GLRA2: variants seen among roughly 807,000 people sequenced by gnomAD.
GLRA2 encodes glycine receptor alpha 2.
Under a neutral mutation model 31.6 loss-of-function variants are expected in GLRA2, and 11 were observed. The ratio of observed to expected loss-of-function variants is 0.35; its 90% CI spans 0.22 to 0.58. The LOEUF (loss-of-function observed/expected upper bound fraction) is 0.58, where lower values mean the gene tolerates loss of function less well. Among genes scored for constraint, GLRA2 ranks in the 20% least tolerant of loss-of-function variants. GLRA2 has a pLI of 0.84. For synonymous variants in GLRA2, 132 were observed against 134.0 expected (o/e 0.99, Z 0.10); for missense variants, 212 against 351.8 (o/e 0.60, Z 3.18).
the GLRA2 span, among the ~76,000 whole-genome samples, chrX:14,491,416 A>G: frequency 9.0e-6 from 1 of 111,727 alleles, no homozygotes; most frequent in African/African-American, 3.3e-5. Context: ...GTTTGTTTGT[A>G]AAAGAGTAAT....
chrX:14,718,493 A>C (rs765143698), intron 8 of GLRA2, among the ~76,000 whole-genome samples: 1 of 112,458 alleles, frequency 8.9e-6, no homozygotes, highest in South Asian at 3.7e-4. Context: ...GGCACAAAAC[A>C]ACCATCTTAC....
chrX:14,580,596 A>G (rs1415809372), intron 3 of GLRA2, among the ~76,000 whole-genome samples: 1 of 112,453 alleles, frequency 8.9e-6, no homozygotes, highest in Non-Finnish European at 1.9e-5. Flanking sequence ...GATACAACAC[A>G]TTCAGACAAA....
At chrX:14,632,820 A>T (rs2090666230) in intron 7 of GLRA2, among the ~76,000 whole-genome samples, 2 of 111,724 alleles carry the variant, frequency 1.8e-5, no homozygotes, top group Non-Finnish European at 3.8e-5. Context: ...AAATCAATTT[A>T]ATAAATATTC....
chrX:14,472,677 C>T, the GLRA2 span, among the ~76,000 whole-genome samples: 1 of 111,541 alleles, frequency 9.0e-6, no homozygotes, highest in South Asian at 3.8e-4. Context: ...TAATGGCTTC[C>T]AGCTCCTGTC....
intron 7 of GLRA2, among the ~76,000 whole-genome samples, chrX:14,686,988 G>A (rs1438710698): frequency 8.9e-6 from 1 of 111,785 alleles, no homozygotes; most frequent in Non-Finnish European, 1.9e-5. Flanking sequence ...AGCTCTTTTA[G>A]GGCAGGCCTT....
At chrX:14,518,655 A>ATG in the GLRA2 span, among the ~76,000 whole-genome samples, 183 of 108,128 alleles carry the variant, frequency 1.7e-3, 2 homozygotes, top group East Asian at 0.023. Flanking sequence ...GTGTGTGTGT[A>ATG]TGTGTGTGTG....
chrX:14,730,028 T>C (rs1050812019), intron 8 of GLRA2, among the ~76,000 whole-genome samples, 179 bp from the exon 9 acceptor site: 1 of 112,061 alleles, frequency 8.9e-6, no homozygotes, highest in African/African-American at 3.2e-5. Context: ...GAAAAGTTAA[T>C]CAACTGTATC....
chrX:14,642,240 C>T (rs555577441), intron 7 of GLRA2, among the ~76,000 whole-genome samples: 8 of 111,948 alleles, frequency 7.1e-5, no homozygotes, highest in African/African-American at 2.6e-4. Flanking sequence ...GTTTTTCTCT[C>T]ATTAAGTCCA....
At position 14,557,404 on chromosome X, in the gene GLRA2, T is replaced by C. The variant is rs191694100; in HGVS notation, c.203-16929T>C. Reference sequence around the variant, plus strand: ...TGCTGGGATTACAGGCATAAGCCACTGTGCCCGGCCCACCTAAAGTATTTC... The same window carrying C: ...TGCTGGGATTACAGGCATAAGCCACCGTGCCCGGCCCACCTAAAGTATTTC... On this transcript the variant is annotated intron_variant, in intron 2 of 8. Transcript: ENST00000218075. 5.3e-3 allele frequency among the ~76,000 whole-genome samples: 596 copies of C among 111,437 alleles called. 5 individuals are homozygous for C. The highest frequency in any genetic ancestry group is 0.018 in the African/African-American group (553 of 30,714).
chrX:14,706,567 T>C (rs2091625710), intron 8 of GLRA2, among the ~76,000 whole-genome samples: 1 of 112,109 alleles, frequency 8.9e-6, no homozygotes, highest in African/African-American at 3.2e-5. Context: ...ATGTTGCTTG[T>C]TGTTTTGTTT....
chrX:14,528,032 C>A (rs1025779268), upstream of GLRA2, among the ~76,000 whole-genome samples: 3 of 112,436 alleles, frequency 2.7e-5, no homozygotes, highest in Admixed American at 1.9e-4. Context: ...GGCACTACTG[C>A]ATTTCATCTA....
chrX:14,622,914 C>T (rs759256547), intron 7 of GLRA2, among the ~76,000 whole-genome samples: 29 of 111,801 alleles, frequency 2.6e-4, no homozygotes, highest in Non-Finnish European at 4.7e-4. Context: ...AAGGGGATGG[C>T]ATTGAATCTA....
At chrX:14,657,174 T>A (rs1398172449) in intron 7 of GLRA2, among the ~76,000 whole-genome samples, 1 of 112,084 alleles carries the variant, frequency 8.9e-6, no homozygotes, top group Non-Finnish European at 1.9e-5. Flanking sequence ...GTCTTAAAAG[T>A]ATCAAAGCTT....
chrX:14,729,636 T>C (rs369764430), intron 8 of GLRA2, among the ~76,000 whole-genome samples: 2 of 110,987 alleles, frequency 1.8e-5, no homozygotes, highest in African/African-American at 6.5e-5. Context: ...GCTATATAAA[T>C]GAGATGAACT....
At chrX:14,523,713 C>A in the GLRA2 span, among the ~76,000 whole-genome samples, 86 of 111,383 alleles carry the variant, frequency 7.7e-4, no homozygotes, top group East Asian at 0.02. Flanking sequence ...ATGAGAATGG[C>A]CAGTCAGTAG....
chrX:14,697,624 GCTCT>G (rs1478267961), intron 8 of GLRA2, among the ~76,000 whole-genome samples: 1 of 111,467 alleles, frequency 9.0e-6, no homozygotes, highest in Non-Finnish European at 1.9e-5. Flanking sequence ...GACAGATGTT[GCTCT>G]CTATCAGTGA....
At chrX:14,565,254 T>C (rs1463825015) in intron 2 of GLRA2, among the ~76,000 whole-genome samples, 1 of 111,716 alleles carries the variant, frequency 9.0e-6, no homozygotes, top group Non-Finnish European at 1.9e-5. Context: ...AAGTCACAAG[T>C]AGGCTAACAG....
intron 8 of GLRA2, among the ~76,000 whole-genome samples, chrX:14,701,124 G>A (rs190045849): frequency 3.5e-4 from 39 of 110,685 alleles, no homozygotes; most frequent in African/African-American, 9.2e-4. Flanking sequence ...AAAGAGGGAG[G>A]TGACAGAGTA....
chrX:14,721,288 T>C (rs946301754), intron 8 of GLRA2, among the ~76,000 whole-genome samples: 9 of 107,924 alleles, frequency 8.3e-5, no homozygotes, highest in Non-Finnish European at 1.3e-4. Flanking sequence ...TTAATAATAA[T>C]GTACATTTCA....
Sources: gnomAD v4.1 joint callset for allele counts (sites outside exome capture counted in the v4.1 genomes callset) on GRCh38, gnomAD v4.1.1 for gene constraint, MANE v1.5 for transcripts, NCBI Gene and HGNC (gene_info 2026-07-23, HGNC 2026-07-21) for gene names.